CDK14: variants seen among roughly 807,000 people sequenced by gnomAD.
CDK14 encodes cyclin dependent kinase 14.
In CDK14, 34 loss-of-function variants were observed where a neutral mutation model predicts 60.7. That is an observed-to-expected ratio of 0.56 (90% CI 0.43 to 0.75). The LOEUF is 0.75. Ranked by LOEUF, CDK14 falls within the 30% of genes least tolerant of loss-of-function variation. The pLI is 0.00. For missense variants in CDK14, 482 were observed against 564.1 expected, an observed-to-expected ratio of 0.85 and a Z score of 1.47; for synonymous variants, 197 against 203.7, an observed-to-expected ratio of 0.97 and a Z score of 0.28.
intron 9 of CDK14, among the ~76,000 whole-genome samples, chr7:90,972,998 A>T (rs897343986): frequency 1.3e-5 from 2 of 152,226 alleles, no homozygotes; most frequent in African/African-American, 4.8e-5. Flanking sequence ...GCACTGCTTC[A>T]AGTACTTTTT....
chr7:91,117,996 T>G, intron 13 of CDK14, 69 bp from the exon 14 acceptor site: 1 of 887,824 alleles, frequency 1.1e-6, no homozygotes, highest in South Asian at 1.8e-5. Flanking sequence ...GTCTCCATTT[T>G]TTTAAAAAAA....
intron 2 of CDK14, among the ~76,000 whole-genome samples, chr7:90,660,204 T>C (rs1323026017): frequency 6.6e-6 from 1 of 152,122 alleles, no homozygotes. Context: ...AGAGCATAGA[T>C]TGGAGCATCA....
chr7:90,919,829 G>A (rs1274548064), intron 8 of CDK14, among the ~76,000 whole-genome samples: 2 of 152,156 alleles, frequency 1.3e-5, no homozygotes, highest in Non-Finnish European at 2.9e-5. Flanking sequence ...GCTCAGTCCT[G>A]TACTGAACAT....
chr7:91,090,996 TTGTGTG>T (rs4015335), intron 12 of CDK14, among the ~76,000 whole-genome samples: 193 of 150,046 alleles, frequency 1.3e-3, no homozygotes, highest in African/African-American at 3.6e-3. Flanking sequence ...TTGGTTTTGT[TTGTGTG>T]TGTGTGTGTG....
chr7:90,601,388 T>C (rs973786629), intron 1 of CDK14, among the ~76,000 whole-genome samples: 12 of 152,230 alleles, frequency 7.9e-5, no homozygotes, highest in African/African-American at 2.4e-4. Context: ...CACTGTTAAC[T>C]GCTGTTCAGG....
chr7:90,711,036 TTTAA>T (rs1440569762), intron 2 of CDK14, among the ~76,000 whole-genome samples: 5 of 152,102 alleles, frequency 3.3e-5, no homozygotes, highest in Non-Finnish European at 5.9e-5. Context: ...TTGTGTATAG[TTTAA>T]TTAACTTAGT....
intron 12 of CDK14, among the ~76,000 whole-genome samples, chr7:91,079,802 ATAATG>A (rs911376747): frequency 2.0e-5 from 3 of 152,236 alleles, no homozygotes; most frequent in African/African-American, 7.2e-5. Flanking sequence ...AAAATATAAT[ATAATG>A]ACTGACTTTC....
At chr7:91,135,506 TAA>T (rs1374146308) in intron 14 of CDK14, among the ~76,000 whole-genome samples, 1 of 152,020 alleles carries the variant, frequency 6.6e-6, no homozygotes, top group Non-Finnish European at 1.5e-5. Flanking sequence ...GATAGCCGGG[TAA>T]GAGTAGCCTC....
intron 2 of CDK14, among the ~76,000 whole-genome samples, chr7:90,717,504 G>A (rs887096520): frequency 1.3e-5 from 2 of 152,132 alleles, no homozygotes; most frequent in Admixed American, 1.3e-4. Context: ...CCTCCATTCA[G>A]CAGTGTCCAC....
intron 14 of CDK14, among the ~76,000 whole-genome samples, chr7:91,138,744 A>G (rs936051483): frequency 1.3e-5 from 2 of 151,894 alleles, no homozygotes; most frequent in African/African-American, 4.8e-5. Flanking sequence ...TGTGATTTCT[A>G]TTTCTTTCTT....
intron 14 of CDK14, among the ~76,000 whole-genome samples, chr7:91,195,076 TTTAA>T (rs1802490949): frequency 6.6e-6 from 1 of 152,222 alleles, no homozygotes; most frequent in African/African-American, 2.4e-5. Flanking sequence ...CTGTTGACAC[TTTAA>T]TTGTTTTATA....
chr7:91,008,281 G>C (rs1796050295), intron 10 of CDK14, among the ~76,000 whole-genome samples: 2 of 152,120 alleles, frequency 1.3e-5, no homozygotes, highest in Non-Finnish European at 2.9e-5. Flanking sequence ...TGTGAATTTA[G>C]TGTGGCTGGC....
chr7:91,136,870 CA>C (rs2115581072), intron 14 of CDK14, among the ~76,000 whole-genome samples: 1 of 152,196 alleles, frequency 6.6e-6, no homozygotes, highest in South Asian at 2.1e-4. Flanking sequence ...ATCTGGATTT[CA>C]AAATAAAGGC....
At chr7:90,894,311 C>T (rs1792229584) in intron 6 of CDK14, among the ~76,000 whole-genome samples, 1 of 152,080 alleles carries the variant, frequency 6.6e-6, no homozygotes, top group South Asian at 2.1e-4. Context: ...GATTATGTCA[C>T]CTGCTCAAAG....
chr7:90,901,784 A>G (rs1792514167), intron 7 of CDK14, among the ~76,000 whole-genome samples: 1 of 151,964 alleles, frequency 6.6e-6, no homozygotes, highest in African/African-American at 2.4e-5. Flanking sequence ...CAAGAGAAAA[A>G]AATGGAAAAA....
intron 9 of CDK14, among the ~76,000 whole-genome samples, chr7:90,980,565 A>G (rs970725222): frequency 1.3e-5 from 2 of 152,162 alleles, no homozygotes. Context: ...CTGTGTGGCA[A>G]TAAGGCAGTC....
chr7:91,147,012 G>A (rs1455952625), intron 14 of CDK14, among the ~76,000 whole-genome samples: 1 of 151,978 alleles, frequency 6.6e-6, no homozygotes, highest in Non-Finnish European at 1.5e-5. Context: ...CACAAATTGG[G>A]TGGGTGTAGA....
At chr7:90,670,491 T>C (rs1801074146) in intron 2 of CDK14, among the ~76,000 whole-genome samples, 2 of 152,318 alleles carry the variant, frequency 1.3e-5, no homozygotes, top group East Asian at 3.9e-4. Context: ...CTGAGTCATT[T>C]ATAAAGAAAA....
At chr7:90,800,856 T>G (rs1788607507) in intron 5 of CDK14, among the ~76,000 whole-genome samples, 1 of 152,182 alleles carries the variant, frequency 6.6e-6, no homozygotes, top group Non-Finnish European at 1.5e-5. Context: ...CTTGCTAGTT[T>G]TTTCCTAGCT....
Sources: gnomAD v4.1 joint callset for allele counts (sites outside exome capture counted in the v4.1 genomes callset) on GRCh38, gnomAD v4.1.1 for gene constraint, MANE v1.5 for transcripts, NCBI Gene and HGNC (gene_info 2026-07-23, HGNC 2026-07-21) for gene names.